The following WDR19 variants were observed in gnomAD, a reference collection of about 807,000 sequenced individuals.
The protein encoded by WDR19 is WD repeat domain 19, also known as WD repeat-containing protein 19.
A neutral mutation model predicts 180.0 loss-of-function variants in WDR19; 121 were observed. The observed-to-expected ratio is 0.67, with a 90% CI of 0.58 to 0.78. The LOEUF (loss-of-function observed/expected upper bound fraction) is 0.78, where lower values mean the gene tolerates loss of function less well. WDR19 is among the 30% of genes least tolerant of loss of function. WDR19 has a pLI of 0.00. For missense variants in WDR19, 1,450 were observed against 1,640.7 expected (o/e 0.88, Z 2.01); for synonymous variants, 497 against 540.7 (o/e 0.92, Z 1.12).
chr4:39,218,987 C>T (rs1307565313), intron 14 of WDR19: 1 of 152,202 alleles, frequency 6.6e-6, no homozygotes, highest in African/African-American at 2.4e-5. Context: ...GCATCTTGTC[C>T]CACTGAAAGG....
rs1307669542 is a variant in WDR19 at position 39,245,418 on chromosome 4, T to C, written c.2695T>C (p.Leu899=). 6.2e-7 allele frequency: 1 copy of C among 1,613,710 alleles called. No homozygotes were observed. The highest frequency in any genetic ancestry group is 8.5e-7 in the Non-Finnish European group (1 of 1,179,834). ...CCACGTTTCTTCTCCTAAGATCCAT[T>C]TGCAGTATGCCAAAGCCAAGGAAGC... ...LPHVSSPKIH[L]QYAKAKEADG... The change falls in exon 24 of 37, where the codon TTG becomes CTG. Residue 899 remains leucine, a synonymous_variant. Coordinates refer to ENST00000399820, the MANE Select transcript of WDR19 (RefSeq NM_025132.4).
intron 21 of WDR19, among the ~76,000 whole-genome samples, chr4:39,241,045 A>G (rs1731894854): frequency 2.0e-5 from 3 of 151,808 alleles, no homozygotes. Context: ...CTCATACTGT[A>G]TCTTTTAAGA....
intron 17 of WDR19, among the ~76,000 whole-genome samples, chr4:39,229,587 C>T (rs951710101): frequency 6.6e-6 from 1 of 152,006 alleles, no homozygotes. Context: ...CTAGAGCCAC[C>T]GTGAATTCCT....
rs1199068926 is a variant in WDR19, at chr4:39,255,595, TG to T, written c.3002-252del. ...ATTGCTGAGAGGTATGCATTCCATTTGTATTACTAACAAAAACCTTGTAATT... is the reference window on the plus strand; with the variant it reads ...ATTGCTGAGAGGTATGCATTCCATTTTATTACTAACAAAAACCTTGTAATT... On this transcript the variant is annotated intron_variant, in intron 26 of 36. Coordinates refer to ENST00000399820, the MANE Select transcript of WDR19 (RefSeq NM_025132.4). Among the ~76,000 whole-genome samples, 11 of 152,298 alleles carry T rather than the reference TG, an allele frequency of 7.2e-5. No homozygotes were observed. The East Asian group carries it at 1.3e-3, about 19-fold the overall frequency.
rs376527958 is a variant in WDR19 at position 39,215,910 on chromosome 4, A to G, written c.1031A>G (p.His344Arg). The G allele has an allele frequency of 6.2e-7, 1 of 1,613,684 alleles. No homozygotes were observed. Among genetic ancestry groups the G allele is most frequent in the Non-Finnish European group, 8.5e-7 (1 of 1,179,824 alleles). Residue 344 changes from histidine to arginine, a missense_variant, in exon 11 of 37, where the codon CAT (histidine) becomes CGT (arginine). Transcript: ENST00000399820. ...LALSTQRGSL[H>R]VFLTKLPILG... ...CTCTCTACCCAAAGGGGCTCACTTC[A>G]TGTTTTCCTGACCAAGCTTCCCATA...
At chr4:39,241,524 C>T (rs1387324558) in intron 21 of WDR19, among the ~76,000 whole-genome samples, 2 of 147,272 alleles carry the variant, frequency 1.4e-5, no homozygotes, top group Admixed American at 6.8e-5. Context: ...GGTCCGGGGC[C>T]GGGCACAGTG....
At chr4:39,182,691 G>C in intron 1 of WDR19, 128 bp downstream of exon 1, 5 of 1,428,258 alleles carry the variant, frequency 3.5e-6, no homozygotes, top group Non-Finnish European at 4.8e-6. Context: ...GAGAGAGAGA[G>C]AGAGGTGGCC....
At chr4:39,274,670 C>A (rs1735721519) in intron 32 of WDR19, 138 bp from the exon 33 acceptor site, 4 of 1,000,358 alleles carry the variant, frequency 4.0e-6, no homozygotes, top group South Asian at 3.2e-5. Context: ...TTAAACAGAT[C>A]ATATCTGGTT....
intron 19 of WDR19, among the ~76,000 whole-genome samples, chr4:39,232,849 TATA>T (rs1731017460): frequency 6.6e-6 from 1 of 152,220 alleles, no homozygotes; most frequent in Admixed American, 6.5e-5. Context: ...ACTCATTAAT[TATA>T]ATGTTAATCA....
chr4:39,215,293 T>TTTTC (rs756637025), intron 10 of WDR19, among the ~76,000 whole-genome samples: 12,495 of 145,260 alleles, frequency 0.086, 604 homozygotes, highest in Middle Eastern at 0.14. Flanking sequence ...ATTTACTACC[T>TTTTC]TTTCTTTGTT....
intron 6 of WDR19, among the ~76,000 whole-genome samples, chr4:39,201,558 T>G (rs1340699957): frequency 6.6e-6 from 1 of 152,134 alleles, no homozygotes; most frequent in Admixed American, 6.5e-5. Context: ...AAGATAGAGG[T>G]TTTGATTGGG....
At position 39,255,914 on chromosome 4, in the gene WDR19, A is replaced by G. The variant is rs759424617; in HGVS notation, c.3068A>G (p.Tyr1023Cys). 4 of 1,608,920 alleles carry G rather than the reference A, an allele frequency of 2.5e-6. No individual in the cohort carries two copies. The highest frequency in any genetic ancestry group is 3.4e-6 in the Non-Finnish European group (4 of 1,177,604). ...TTATACTTTGAAGGAGAAAAGAGAT[A>G]TCTTCAGGCTGGAAAATTCTTCTTG... is the stretch of plus-strand genomic sequence containing the variant. ...IALYFEGEKRYLQAGKFFLLC... is the reference protein window; with the variant it reads ...IALYFEGEKRCLQAGKFFLLC... Residue 1023 changes from tyrosine to cysteine, a missense_variant, in exon 27 of 37, where the codon TAT becomes TGT. Transcript: ENST00000399820.
intron 9 of WDR19, among the ~76,000 whole-genome samples, chr4:39,212,202 G>A (rs1374557021): frequency 1.3e-5 from 2 of 152,084 alleles, no homozygotes; most frequent in Non-Finnish European, 2.9e-5. Context: ...GTTGGTTTTT[G>A]ACAAAGGTGA....
intron 14 of WDR19, among the ~76,000 whole-genome samples, chr4:39,222,618 T>C (rs1481229658): frequency 6.6e-6 from 1 of 152,204 alleles, no homozygotes; most frequent in East Asian, 1.9e-4. Flanking sequence ...GCAAATGATA[T>C]CCAGTTGTTC....
chr4:39,260,862 G>A (rs1241695222), intron 28 of WDR19, among the ~76,000 whole-genome samples: 1 of 152,034 alleles, frequency 6.6e-6, no homozygotes, highest in Non-Finnish European at 1.5e-5. Flanking sequence ...TCCTCTTAAG[G>A]CTACAATCTA....
In WDR19 at chr4:39,214,805, T is replaced by C. The variant is rs1728896056; in HGVS notation, c.961+134T>C. ...TTTTTTTTTTTGAGATGGATTCTTG[T>C]TTTGTAGCCCTGGATGGAATGCAAT... On this transcript the variant is annotated intron_variant, in intron 10 of 36. Transcript: ENST00000399820. 5.3e-6 allele frequency: 3 copies of C among 564,598 alleles called. No homozygotes were observed. In the South Asian group the frequency reaches 7.9e-5, roughly 15 times the overall value. The allele number at this position is 564,598 out of a possible 1,614,324, so 35.0% of individuals were successfully genotyped here.
chr4:39,266,173 A>T, intron 29 of WDR19, 33 bp downstream of exon 29: 1 of 1,503,844 alleles, frequency 6.6e-7, no homozygotes, highest in Non-Finnish European at 9.0e-7. Context: ...GTGCATCCTC[A>T]GGTCTCAGTT....
Position 39,228,293 on chromosome 4 carries a change from T to C in WDR19, c.1713T>C (p.Gly571=). The change falls in exon 16 of 37, where the codon GGT becomes GGC. Residue 571 remains glycine, a synonymous_variant. Coordinates refer to ENST00000399820, the MANE Select transcript of WDR19 (RefSeq NM_025132.4). ...GGGAAAACTGGCCAATGGATAAAGG[T>C]GTATTTATTGCTTATGATGATGATA... ...VLWENWPMDK[G]VFIAYDDDKV... 6.2e-7 allele frequency: 1 copy of C among 1,613,380 alleles called. No homozygotes were observed. Among genetic ancestry groups the C allele is most frequent in the Non-Finnish European group, 8.5e-7 (1 of 1,179,582 alleles).
intron 12 of WDR19, among the ~76,000 whole-genome samples, chr4:39,216,492 C>T (rs751287595): frequency 6.6e-6 from 1 of 152,196 alleles, no homozygotes; most frequent in Non-Finnish European, 1.5e-5. Context: ...CCTCTGTTAG[C>T]TAAGTGACTA....
Sources: allele counts gnomAD v4.1 joint callset (sites outside exome capture counted in the v4.1 genomes callset), GRCh38; gene constraint gnomAD v4.1.1; transcripts MANE v1.5; gene names NCBI Gene and HGNC (gene_info 2026-07-23, HGNC 2026-07-21).